Variants in INTS6 observed in about 807,000 individuals in gnomAD.
The protein encoded by INTS6 is DEAD box protein.
INTS6 carries 16 observed loss-of-function variants against 104.9 expected under a neutral mutation model. That is an observed-to-expected ratio of 0.15 (90% CI 0.10 to 0.23). The LOEUF (loss-of-function observed/expected upper bound fraction) is 0.23. Among genes scored for constraint, INTS6 ranks in the 10% least tolerant of loss-of-function variants. INTS6 has a pLI of 1.00. For missense variants in INTS6, 584 were observed against 1,062.8 expected (o/e 0.55, Z 6.26); for synonymous variants, 324 against 358.7 (o/e 0.90, Z 1.09).
intron 4 of INTS6, chr13:51,422,862 T>C: frequency 3.2e-6 from 1 of 317,454 alleles, no homozygotes; most frequent in Non-Finnish European, 6.0e-6. Context: ...ATACACTGTT[T>C]TCAAGTCTTC....
chr13:51,419,988 T>C (rs1197653659), intron 4 of INTS6, among the ~76,000 whole-genome samples: 2 of 152,220 alleles, frequency 1.3e-5, no homozygotes, highest in Non-Finnish European at 2.9e-5. Context: ...CTCACTCATT[T>C]AACATACTGT....
chr13:51,374,837 A>G (rs759663894), intron 13 of INTS6, 41 bp from the exon 14 acceptor site: 15 of 1,601,124 alleles, frequency 9.4e-6, no homozygotes, highest in Non-Finnish European at 1.0e-5. Context: ...TTAACCTCCA[A>G]TTAGTTCTCA....
intron 15 of INTS6, among the ~76,000 whole-genome samples, chr13:51,373,070 A>T (rs1370709492): frequency 6.6e-6 from 1 of 152,160 alleles, no homozygotes; most frequent in Non-Finnish European, 1.5e-5. Flanking sequence ...CCAGGAAAAA[A>T]ACCCAACAGA....
At chr13:51,450,221 A>G in intron 3 of INTS6, 1 of 985,102 alleles carries the variant, frequency 1.0e-6, no homozygotes, top group Non-Finnish European at 1.2e-6. Flanking sequence ...TACATGTAAC[A>G]TTATACATTG....
rs186765259 is a variant in INTS6 at position 51,411,870 on chromosome 13, A to G, written c.430-16387T>C. Among the ~76,000 whole-genome samples, 226 of 152,380 alleles carry G rather than the reference A, an allele frequency of 1.5e-3. 1 individual carries two copies. Among genetic ancestry groups the G allele is most frequent in the African/African-American group, 5.3e-3 (219 of 41,592 alleles). On this transcript the variant is annotated intron_variant, in intron 4 of 17. Transcript: ENST00000311234. ...GGTCTACAAAAAGACTTGTATACCAATGTTCACAGTAGCTTATTCATAATG... is the reference window on the plus strand; with the variant it reads ...GGTCTACAAAAAGACTTGTATACCAGTGTTCACAGTAGCTTATTCATAATG...
Position 51,378,335 on chromosome 13 carries a change from T to C in INTS6, c.1506A>G (p.Gln502=), listed in dbSNP as rs1255193873. ...GLSMAYRKDF[Q]QLLQGISEDV... The stretch of plus-strand genomic sequence containing the variant: ...CCTCTGAAATTCCCTGGAGGAGTTG[T>C]TGAAAATCTTTCCTATATGCCATTG... Residue 502 remains glutamine (Q), a synonymous_variant, in exon 12 of 18, where the codon CAA becomes CAG. Coordinates refer to ENST00000311234, the MANE Select transcript of INTS6 (RefSeq NM_012141.3). The C allele has an allele frequency of 4.3e-6, 7 of 1,613,424 alleles. No individual in the cohort carries two copies. Among genetic ancestry groups the C allele is most frequent in the Admixed American group, 1.7e-5 (1 of 59,992 alleles).
intron 4 of INTS6, among the ~76,000 whole-genome samples, chr13:51,404,063 TACACAC>T (rs71085082): frequency 0.11 from 11,989 of 109,542 alleles, 754 homozygotes; most frequent in South Asian, 0.2. Flanking sequence ...TCTCTACAAA[TACACAC>T]ACACACACAC....
At position 51,452,652 on chromosome 13, in the gene INTS6, GTC is replaced by G; in HGVS notation, c.-129_-128del. ...GCACGGCCCCCGGGAGGAAAACACTGTCTGGGTCTTTCCTCCGGCTGCGGGGA... is the reference window on the plus strand; with the variant it reads ...GCACGGCCCCCGGGAGGAAAACACTGTGGGTCTTTCCTCCGGCTGCGGGGA... On this transcript the variant is annotated 5_prime_UTR_variant, in exon 1 of 18. Coordinates refer to ENST00000311234, the MANE Select transcript of INTS6 (RefSeq NM_012141.3). This position sits in a 1 kb window ranked among gnomAD's most constrained non-coding sequence, Gnocchi z 4.2. 1 of 1,467,724 alleles carries G rather than the reference GTC, an allele frequency of 6.8e-7. No homozygotes were observed. The highest frequency in any genetic ancestry group is 9.0e-7 in the Non-Finnish European group (1 of 1,109,668). The allele number at this position is 1,467,724 out of a possible 1,614,324, so 90.9% of individuals were successfully genotyped here.
chr13:51,445,205 T>C (rs2138158193), intron 3 of INTS6: 1 of 152,348 alleles, frequency 6.6e-6, no homozygotes, highest in Non-Finnish European at 1.5e-5. Context: ...ATCTGCTAAA[T>C]TATTTAAATT....
intron 4 of INTS6, among the ~76,000 whole-genome samples, chr13:51,429,876 C>T (rs1957060707): frequency 6.7e-6 from 1 of 148,790 alleles, no homozygotes; most frequent in African/African-American, 2.5e-5. Flanking sequence ...GTCTTAACAC[C>T]TCTTCTTGGC....
At chr13:51,337,802 G>T in the INTS6 span, among the ~76,000 whole-genome samples, 1 of 152,206 alleles carries the variant, frequency 6.6e-6, no homozygotes, top group Non-Finnish European at 1.5e-5. Context: ...CTCTATATAT[G>T]TTGTTAAAAT....
At chr13:51,423,197 T>C in intron 4 of INTS6, 1 of 405,554 alleles carries the variant, frequency 2.5e-6, no homozygotes, top group South Asian at 2.4e-5. Context: ...TGAATTAATT[T>C]AAAATATACT....
chr13:51,395,220 G>A, intron 5 of INTS6, 80 bp downstream of exon 5: 1 of 1,327,708 alleles, frequency 7.5e-7, no homozygotes, highest in Non-Finnish European at 1.0e-6. Flanking sequence ...AACAAACATG[G>A]AGCTTTTGAA....
At chr13:51,379,652 T>G (rs1263007081) in intron 10 of INTS6, 80 bp from the exon 11 acceptor site, 3 of 702,190 alleles carry the variant, frequency 4.3e-6, no homozygotes, top group African/African-American at 3.7e-5. Context: ...TCTTAAAATT[T>G]TCTCCAAAAA....
chr13:51,452,806 C>T lies in INTS6; in HGVS notation c.-281G>A, dbSNP rs1953094687. 1 of 1,176,668 alleles carries T rather than the reference C, an allele frequency of 8.5e-7. No individual in the cohort carries two copies. Among genetic ancestry groups the T allele is most frequent in the Non-Finnish European group, 1.1e-6 (1 of 945,738 alleles). The allele number at this position is 1,176,668 out of a possible 1,614,324, so 72.9% of individuals were successfully genotyped here. The stretch of plus-strand genomic sequence containing the variant: ...CCCAGCCGTCTGTCTGTCGGTTCGT[C>T]CCCCCCGCCTCGGGGGTCCCGTCCC... On this transcript the variant is annotated 5_prime_UTR_variant, in exon 1 of 18. Transcript: ENST00000311234. The surrounding 1 kb of genome is among the most constrained non-coding windows in gnomAD (Gnocchi z 4.2).
At chr13:51,338,578 A>G in the INTS6 span, among the ~76,000 whole-genome samples, 2 of 152,142 alleles carry the variant, frequency 1.3e-5, no homozygotes, top group Admixed American at 1.3e-4. Context: ...TGGATGAATG[A>G]TATGCCCTCT....
the INTS6 span, among the ~76,000 whole-genome samples, chr13:51,338,529 G>A: frequency 6.6e-6 from 1 of 152,094 alleles, no homozygotes; most frequent in African/African-American, 2.4e-5. Context: ...ATGGACAGAT[G>A]GATTGATGGA....
rs1371796083 is a variant in INTS6, at chr13:51,374,289, T to A, written c.2023A>T (p.Asn675Tyr). 6.2e-7 allele frequency: 1 copy of A among 1,614,026 alleles called. No homozygotes were observed. Among genetic ancestry groups the A allele is most frequent in the African/African-American group, 1.3e-5 (1 of 74,936 alleles). ...RGRQQNPVVN[N>Y]HIGGKGPPAP... ...GGTGGTCCTTTTCCCCCAATATGAT[T>A]GTTTACAACAGGATTCTGCTGTCTG... Residue 675 changes from asparagine (N) to tyrosine (Y), a missense_variant, in exon 15 of 18, where the codon AAT becomes TAT. This residue lies in a region of INTS6 where 296 missense variants were observed against 437.0 expected (regional missense o/e 0.68). Transcript: ENST00000311234.
intron 3 of INTS6, among the ~76,000 whole-genome samples, 158 bp from the exon 4 acceptor site, chr13:51,430,541 G>A (rs772895743): frequency 1.3e-5 from 2 of 152,108 alleles, no homozygotes; most frequent in Admixed American, 6.6e-5. Flanking sequence ...GATATAGAAC[G>A]ACACATAAAC....
Sources: gnomAD v4.1 joint callset for allele counts (sites outside exome capture counted in the v4.1 genomes callset) on GRCh38, gnomAD v4.1.1 for gene constraint, gnomAD v4.1.1 regional missense constraint, Gnocchi (gnomAD v3.1) non-coding constraint, MANE v1.5 for transcripts, NCBI Gene and HGNC (gene_info 2026-07-23, HGNC 2026-07-21) for gene names.